The following RHBDL2 variants were observed in gnomAD, a reference collection of about 807,000 sequenced individuals.
RHBDL2 encodes the protein rhomboid-related protein 2.
A neutral mutation model predicts 31.7 loss-of-function variants in RHBDL2; 26 were observed. The observed-to-expected ratio is 0.82, with a 90% CI of 0.60 to 1.14. The LOEUF (loss-of-function observed/expected upper bound fraction) is 1.14. Among genes scored for constraint, RHBDL2 ranks in the 50% most tolerant of loss-of-function variants. The pLI, the probability that RHBDL2 is intolerant of heterozygous loss-of-function variation, is 0.00. For synonymous variants in RHBDL2, 123 were observed against 127.2 expected (o/e 0.97, Z 0.22); for missense variants, 336 against 364.4 (o/e 0.92, Z 0.63).
Position 38,887,591 on chromosome 1 carries a change from A to G in RHBDL2, c.732+372T>C, listed in dbSNP as rs192515670. ...AGGTGACTGCCACCACGCCCAGCTA[A>G]TTTTTGTATTTTTAGTAGAGACGGG... On this transcript the variant is annotated intron_variant, in intron 7 of 7. Coordinates refer to ENST00000372990, the MANE Select transcript of RHBDL2 (RefSeq NM_017821.5). Among the ~76,000 whole-genome samples the G allele has an allele frequency of 3.2e-3, 483 of 151,970 alleles. 3 individuals carry two copies. Among genetic ancestry groups the G allele is most frequent in the African/African-American group, 7.9e-3 (327 of 41,466 alleles).
At chr1:38,893,579 A>C (rs1642879629) in intron 5 of RHBDL2, among the ~76,000 whole-genome samples, 1 of 152,338 alleles carries the variant, frequency 6.6e-6, no homozygotes, top group Admixed American at 6.5e-5. Context: ...TTTGGTTAAT[A>C]TTCATTTGAT....
intron 1 of RHBDL2, chr1:38,926,219 G>T (rs1643372994): frequency 1.8e-6 from 2 of 1,103,802 alleles, no homozygotes; most frequent in South Asian, 4.5e-5. Flanking sequence ...CTTTACAGTG[G>T]TTGCAGCAGT....
At chr1:38,906,164 C>A (rs2124319137) in intron 4 of RHBDL2, among the ~76,000 whole-genome samples, 1 of 151,938 alleles carries the variant, frequency 6.6e-6, no homozygotes, top group Non-Finnish European at 1.5e-5. Context: ...AACATCTTTT[C>A]TCTTAACTCT....
chr1:38,887,942 A>G, intron 7 of RHBDL2, 21 bp downstream of exon 7: 2 of 1,550,422 alleles, frequency 1.3e-6, no homozygotes, highest in East Asian at 2.2e-5. Flanking sequence ...CTATTTTATA[A>G]AAGAAAGAAA....
At chr1:38,889,923 T>C (rs1280998150) in intron 6 of RHBDL2, among the ~76,000 whole-genome samples, 1 of 152,180 alleles carries the variant, frequency 6.6e-6, no homozygotes. Context: ...CAATACTGTA[T>C]TGATTGATGT....
intron 3 of RHBDL2, among the ~76,000 whole-genome samples, chr1:38,912,883 C>CATATATATATATATATATATATAT (rs141150431): frequency 2.8e-5 from 3 of 106,602 alleles, no homozygotes; most frequent in African/African-American, 1.5e-4. Context: ...TACCATATAC[C>CATATATATATATATATATATATAT]ATATATATAT....
Position 38,893,189 on chromosome 1 carries a change from G to A in RHBDL2, c.645C>T (p.Phe215=). The A allele has an allele frequency of 6.4e-7, 1 of 1,571,258 alleles. No individual in the cohort carries two copies. Among genetic ancestry groups the A allele is most frequent in the Admixed American group, 1.7e-5 (1 of 59,862 alleles). The part of the protein sequence containing the change: ...FQEMIPAFGI[F]RLLIIILIIV... ...TTATCAGGATGATGATCAGCAGTCT[G>A]AAAATTCCAAAGGCAGGAATCATTT... The change falls in exon 6 of 8, where the codon TTC becomes TTT. Residue 215 remains phenylalanine (F), a synonymous_variant. Transcript: ENST00000372990.
intron 1 of RHBDL2, among the ~76,000 whole-genome samples, chr1:38,934,109 A>C (rs1473468867): frequency 6.6e-6 from 1 of 152,052 alleles, no homozygotes; most frequent in Non-Finnish European, 1.5e-5. Flanking sequence ...GCACTTTGGG[A>C]AACTGAGGTG....
intron 4 of RHBDL2, among the ~76,000 whole-genome samples, chr1:38,904,891 C>A (rs1348367176): frequency 6.7e-6 from 1 of 148,798 alleles, no homozygotes; most frequent in Admixed American, 6.7e-5. Flanking sequence ...ATTAGCCGGG[C>A]GTGGTAGCGG....
chr1:38,898,200 A>T (rs185535464), intron 4 of RHBDL2, among the ~76,000 whole-genome samples: 1 of 152,114 alleles, frequency 6.6e-6, no homozygotes, highest in Admixed American at 6.6e-5. Context: ...ACTACTGGGG[A>T]GTCTGAGGCA....
intron 2 of RHBDL2, among the ~76,000 whole-genome samples, chr1:38,917,678 T>C (rs1249262707): frequency 1.3e-5 from 2 of 152,074 alleles, no homozygotes; most frequent in Non-Finnish European, 2.9e-5. Flanking sequence ...CACAGTGAAA[T>C]CCTGTGAAAA....
intron 1 of RHBDL2, among the ~76,000 whole-genome samples, chr1:38,938,012 C>T (rs1433500897): frequency 2.0e-5 from 3 of 146,720 alleles, no homozygotes; most frequent in Non-Finnish European, 4.4e-5. Context: ...TAGTGTCATT[C>T]TCATTGCTAA....
chr1:38,893,305 T>C (rs1303024062), intron 5 of RHBDL2, 81 bp from the exon 6 acceptor site: 3 of 647,572 alleles, frequency 4.6e-6, no homozygotes, highest in Non-Finnish European at 8.1e-6. Flanking sequence ...TCATCTGCTC[T>C]TCATTTGAAA....
chr1:38,894,246 C>A (rs931053772), intron 5 of RHBDL2, among the ~76,000 whole-genome samples: 6 of 152,226 alleles, frequency 3.9e-5, no homozygotes, highest in East Asian at 1.9e-4. Context: ...GTTGAAAAAA[C>A]CACTTTTCTT....
rs376256453 is a variant in RHBDL2, at chr1:38,915,219, G to C, written c.395+343C>G. ...ACGATCTCGGCTTACTGCAACCTCC[G>C]CCTCCCAGGTTCAAGCAATTCTCCT... On this transcript the variant is annotated intron_variant, in intron 3 of 7. Transcript: ENST00000372990. 9.4e-5 allele frequency among the ~76,000 whole-genome samples: 14 copies of C among 148,190 alleles called. 1 individual carries two copies. Among genetic ancestry groups the C allele is most frequent in the Admixed American group, 2.7e-4 (4 of 14,720 alleles).
rs576367570 is a variant in RHBDL2 at position 38,893,508 on chromosome 1, C to T, written c.610-284G>A. On this transcript the variant is annotated intron_variant, in intron 5 of 7. Coordinates refer to ENST00000372990, the MANE Select transcript of RHBDL2 (RefSeq NM_017821.5). ...AATATAAAATCAGCACTTAACATGT[C>T]AATAAATAAATAGATAAATAAATGC... 1.8e-3 allele frequency among the ~76,000 whole-genome samples: 268 copies of T among 152,066 alleles called. 4 individuals carry two copies. The highest frequency in any genetic ancestry group is 9.0e-4 in the Non-Finnish European group (61 of 67,984).
chr1:38,903,439 C>T lies in RHBDL2; in HGVS notation c.509-7370G>A, dbSNP rs567751722. ...ACAGGCATGAGCTACCACCCCCGGCCGAGAAATAGAAATTTTAAAAACATT... is the reference window on the plus strand; with the variant it reads ...ACAGGCATGAGCTACCACCCCCGGCTGAGAAATAGAAATTTTAAAAACATT... On this transcript the variant is annotated intron_variant, in intron 4 of 7. Coordinates refer to ENST00000372990, the MANE Select transcript of RHBDL2 (RefSeq NM_017821.5). Among the ~76,000 whole-genome samples the T allele has an allele frequency of 5.9e-5, 9 of 151,988 alleles. No homozygotes were observed. In the South Asian group the frequency reaches 8.3e-4, roughly 14 times the overall value.
chr1:38,939,368 G>A (rs1016044414), intron 1 of RHBDL2, among the ~76,000 whole-genome samples: 1 of 152,016 alleles, frequency 6.6e-6, no homozygotes, highest in Non-Finnish European at 1.5e-5. Context: ...AGCCTACAAA[G>A]TAGCTGAGAT....
At chr1:38,891,708 T>C (rs754179885) in intron 6 of RHBDL2, among the ~76,000 whole-genome samples, 45 of 152,264 alleles carry the variant, frequency 3.0e-4, no homozygotes, top group Non-Finnish European at 5.3e-4. Flanking sequence ...AGCGTTCTTA[T>C]ATTTAAATGG....
Sources: gnomAD v4.1 joint callset for allele counts (sites outside exome capture counted in the v4.1 genomes callset) on GRCh38, gnomAD v4.1.1 for gene constraint, MANE v1.5 for transcripts, NCBI Gene and HGNC (gene_info 2026-07-23, HGNC 2026-07-21) for gene names.